Variants in PLA2G6 observed in about 807,000 individuals in gnomAD.
PLA2G6 encodes phospholipase A2 group VI, also known as 85/88 kDa calcium-independent phospholipase A2.
A neutral mutation model predicts 83.8 loss-of-function variants in PLA2G6; 62 were observed. The observed-to-expected ratio is 0.74, with a 90% CI of 0.60 to 0.91. PLA2G6 has a LOEUF of 0.91. PLA2G6 is among the 40% of genes least tolerant of loss of function. The pLI, the probability that PLA2G6 is intolerant of heterozygous loss-of-function variation, is 0.00. For missense variants in PLA2G6, 944 were observed against 1,102.0 expected (o/e 0.86, Z 2.03); for synonymous variants, 417 against 449.8 (o/e 0.93, Z 0.92).
intron 6 of PLA2G6, 47 bp downstream of exon 6, chr22:38,134,941 C>A: frequency 7.1e-7 from 1 of 1,399,904 alleles, no homozygotes; most frequent in Non-Finnish European, 1.0e-6. Context: ...TGAGGACCTG[C>A]GGGGCCCGGC....
At chr22:38,136,035 T>C (rs1193682079) in intron 5 of PLA2G6, 1 of 152,230 alleles carries the variant, frequency 6.6e-6, no homozygotes, top group Non-Finnish European at 1.5e-5. Context: ...TGGATGAGCC[T>C]TGAAGACATC....
chr22:38,156,564 C>T (rs187758191), intron 2 of PLA2G6, among the ~76,000 whole-genome samples: 84 of 152,222 alleles, frequency 5.5e-4, no homozygotes, highest in Middle Eastern at 3.4e-3. Context: ...CACCATTCTC[C>T]TGCCTCAGCC....
rs563222818 is a variant in PLA2G6 at position 38,112,544 on chromosome 22, C to A, written c.2236G>T (p.Ala746Ser). 38 of 1,554,092 alleles carry A rather than the reference C, an allele frequency of 2.4e-5. No individual in the cohort carries two copies. The South Asian group carries it at 3.4e-4, about 14-fold the overall frequency. ...TDPDGRAVDR[A>S]RAWCEMVGIQ... ...CCGACCATCTCGCACCAGGCCCGTG[C>A]CCGGTCCACAGCCCGCCCGTCTGGA... The change falls in exon 16 of 17, where the codon GCA becomes TCA. Residue 746 changes from alanine to serine, a missense_variant. Physicochemically the swap from Ala to Ser is moderately conservative, Grantham distance 99 (BLOSUM62 1). Coordinates refer to ENST00000332509, the MANE Select transcript of PLA2G6 (RefSeq NM_003560.4).
intron 7 of PLA2G6, chr22:38,131,866 A>G (rs999885070): frequency 1.3e-5 from 4 of 306,642 alleles, no homozygotes; most frequent in Non-Finnish European, 2.6e-5. Flanking sequence ...AGGCGGGTGG[A>G]TCATGAGGTC....
At chr22:38,130,526 C>T (rs2088146854) in intron 7 of PLA2G6, 1 of 151,670 alleles carries the variant, frequency 6.6e-6, no homozygotes, top group Non-Finnish European at 1.5e-5. Context: ...ACCATGTTGG[C>T]CAGGCTGGTC....
chr22:38,173,671 G>C (rs958835413), intron 1 of PLA2G6, among the ~76,000 whole-genome samples: 16 of 152,276 alleles, frequency 1.1e-4, no homozygotes, highest in Non-Finnish European at 1.3e-4. Context: ...TGAAGGACGG[G>C]AGGAACAAGT....
chr22:38,163,489 C>G (rs866482116), intron 2 of PLA2G6: 1 of 169,528 alleles, frequency 5.9e-6, no homozygotes, highest in African/African-American at 2.4e-5. Flanking sequence ...GGCCCTGTCC[C>G]TCAGGAGCCC....
chr22:38,135,021 T>A lies in PLA2G6; in HGVS notation c.861A>T (p.Gly287=), dbSNP rs571061407. The change falls in exon 6 of 17, where the codon GGA becomes GGT. Residue 287 remains glycine, a synonymous_variant. Transcript: ENST00000332509. ...TCTTGGCCCAGTGGAGGGGGCTGGC[T>A]CCGTAACGGGGGTCTTTGCTGTGGA... ...SQIHSKDPRY[G]ASPLHWAKNA... is the part of the protein sequence containing the mutation. The A allele has an allele frequency of 8.9e-6, 13 of 1,465,834 alleles. No individual in the cohort carries two copies. The South Asian group carries it at 1.5e-4, about 16-fold the overall frequency. 90.8% of individuals were successfully genotyped at this position (1,465,834 alleles called of 1,614,324 possible).
intron 2 of PLA2G6, among the ~76,000 whole-genome samples, chr22:38,154,460 T>C (rs371246694): frequency 6.6e-6 from 1 of 152,244 alleles, no homozygotes; most frequent in East Asian, 1.9e-4. Flanking sequence ...AGCCTCTGCC[T>C]GGTAATCCAG....
chr22:38,173,565 G>A (rs1255870007), intron 1 of PLA2G6, among the ~76,000 whole-genome samples: 1 of 152,138 alleles, frequency 6.6e-6, no homozygotes, highest in African/African-American at 2.4e-5. Context: ...CCTTATCTCT[G>A]CTCACCCATC....
intron 1 of PLA2G6, among the ~76,000 whole-genome samples, chr22:38,174,568 C>T (rs896342002): frequency 6.6e-6 from 1 of 152,150 alleles, no homozygotes; most frequent in South Asian, 2.1e-4. Context: ...GCCAAGTGCA[C>T]GGTCCCCTGA....
intron 16 of PLA2G6, 84 bp downstream of exon 16, chr22:38,112,420 C>CCA: frequency 6.6e-7 from 1 of 1,510,296 alleles, no homozygotes; most frequent in Non-Finnish European, 9.0e-7. Context: ...AAGGGAAAGT[C>CCA]CACACTAGGG....
At position 38,113,530 on chromosome 22, in the gene PLA2G6, G is replaced by A. The variant is rs747370054; in HGVS notation, c.2159C>T (p.Thr720Ile). Reference protein sequence around the residue: ...RPSNPWELAKTVFGAKELGKM... With the variant: ...RPSNPWELAKIVFGAKELGKM... The stretch of plus-strand genomic sequence containing the variant: ...GCCCAGTTCCTTGGCCCCAAAAACA[G>A]TCTTGGCCAGCTCCCAGGGGTTGCT... Residue 720 changes from threonine (T) to isoleucine (I), a missense_variant, in exon 15 of 17, where the codon ACT becomes ATT. Thr to Ile is a moderately conservative substitution (Grantham distance 89). Transcript: ENST00000332509. The A allele has an allele frequency of 5.6e-6, 9 of 1,614,098 alleles. No individual in the cohort carries two copies. The highest frequency in any genetic ancestry group is 1.7e-5 in the Admixed American group (1 of 60,024).
In PLA2G6 at chr22:38,169,466, C is replaced by T; in HGVS notation, c.-40G>A. The T allele has an allele frequency of 2.6e-6, 4 of 1,568,448 alleles. No individual in the cohort carries two copies. The highest frequency in any genetic ancestry group is 3.5e-6 in the Non-Finnish European group (4 of 1,142,104). On this transcript the variant is annotated 5_prime_UTR_variant, in exon 2 of 17. Coordinates refer to ENST00000332509, the MANE Select transcript of PLA2G6 (RefSeq NM_003560.4). The stretch of plus-strand genomic sequence containing the variant: ...GTGGGGAGGCCCCACCGTCTTCCCC[C>T]TCTGTCTGGAAGAAAACGAGGTCTC...
intron 14 of PLA2G6, among the ~76,000 whole-genome samples, chr22:38,114,212 GCT>G (rs1284689301): frequency 4.1e-5 from 6 of 147,328 alleles, no homozygotes; most frequent in African/African-American, 1.5e-4. Context: ...ACGGAGTCTC[GCT>G]CTGTCTCCCA....
At chr22:38,122,487 A>G (rs1174707958) in intron 11 of PLA2G6, among the ~76,000 whole-genome samples, 1 of 152,220 alleles carries the variant, frequency 6.6e-6, no homozygotes, top group Non-Finnish European at 1.5e-5. Flanking sequence ...CGCCTTCGCA[A>G]AGCGGCAGTG....
chr22:38,163,121 C>CA (rs1017413974), intron 2 of PLA2G6, among the ~76,000 whole-genome samples: 1 of 151,670 alleles, frequency 6.6e-6, no homozygotes. Flanking sequence ...GGTCCTGGAC[C>CA]AAAAAAAATG....
At chr22:38,141,362 A>AC (rs2088893047) in intron 4 of PLA2G6, 3 of 152,342 alleles carry the variant, frequency 2.0e-5, no homozygotes, top group African/African-American at 7.2e-5. Context: ...TCTCAAAAAA[A>AC]AGAAAGTGCT....
intron 1 of PLA2G6, among the ~76,000 whole-genome samples, chr22:38,174,303 C>A (rs868359695): frequency 6.6e-5 from 10 of 151,782 alleles, no homozygotes; most frequent in South Asian, 2.1e-4. Flanking sequence ...GAGGCTGAGG[C>A]AGGAGAATGG....
Sources: gnomAD v4.1 joint callset for allele counts (sites outside exome capture counted in the v4.1 genomes callset) on GRCh38, gnomAD v4.1.1 for gene constraint, MANE v1.5 for transcripts, NCBI Gene and HGNC (gene_info 2026-07-23, HGNC 2026-07-21) for gene names.